The following SNAP23 variants were observed in gnomAD, a reference collection of about 807,000 sequenced individuals.
SNAP23 encodes the protein synaptosomal-associated protein 23.
In SNAP23, 11 loss-of-function variants were observed where a neutral mutation model predicts 29.0. The ratio of observed to expected loss-of-function variants is 0.38; its 90% CI spans 0.24 to 0.63. SNAP23 has a LOEUF of 0.63. Ranked by LOEUF, SNAP23 falls within the 20% of genes least tolerant of loss-of-function variation. The pLI is 0.58. For synonymous variants in SNAP23, 60 were observed against 82.9 expected (o/e 0.72, Z 1.50); for missense variants, 220 against 253.9 (o/e 0.87, Z 0.91).
intron 1 of SNAP23, among the ~76,000 whole-genome samples, chr15:42,502,319 C>G (rs568225088): frequency 6.6e-6 from 1 of 152,270 alleles, no homozygotes; most frequent in East Asian, 1.9e-4. Context: ...CCACTGCGCC[C>G]GGCAGAGTGC....
upstream of SNAP23, chr15:42,491,351 C>T (rs983679219): frequency 1.3e-5 from 2 of 152,398 alleles, no homozygotes; most frequent in African/African-American, 2.4e-5. Flanking sequence ...TTTTCATTCT[C>T]CTTGTTTCTC....
chr15:42,517,353 C>T (rs556293908), intron 5 of SNAP23, among the ~76,000 whole-genome samples: 2 of 152,290 alleles, frequency 1.3e-5, no homozygotes, highest in South Asian at 4.1e-4. Flanking sequence ...GTACCTTTCT[C>T]TTGTGTTCCA....
chr15:42,492,404 G>A (rs2057175614), upstream of SNAP23, among the ~76,000 whole-genome samples: 2 of 152,050 alleles, frequency 1.3e-5, no homozygotes, highest in Non-Finnish European at 1.5e-5. Flanking sequence ...CAGCGGTGGG[G>A]CACAGTGGCT....
intron 5 of SNAP23, among the ~76,000 whole-genome samples, chr15:42,525,683 C>T (rs2057496160): frequency 2.0e-5 from 3 of 151,344 alleles, no homozygotes; most frequent in African/African-American, 4.9e-5. Flanking sequence ...AGGCTGGTCT[C>T]GAACTCCTGA....
In SNAP23 at chr15:42,511,842, T is replaced by G. The variant is rs1595521151; in HGVS notation, c.-5T>G. The G allele has an allele frequency of 8.2e-6, 13 of 1,578,366 alleles. No homozygotes were observed. Among genetic ancestry groups the G allele is most frequent in the Non-Finnish European group, 1.1e-5 (13 of 1,159,350 alleles). On this transcript the variant is annotated 5_prime_UTR_variant, in exon 2 of 8. It adds an upstream start codon to the 5' untranslated region. Transcript: ENST00000249647. ...TTTCTGTGCCTAATAGAGTTTTGAT[T>G]CATCATGGATAATCTGTCATCAGAA...
chr15:42,525,451 C>CTT lies in SNAP23; in HGVS notation c.267-2782_267-2781dup, dbSNP rs1158969519. Among the ~76,000 whole-genome samples the CTT allele has an allele frequency of 2.4e-3, 115 of 47,188 alleles. 34 individuals carry two copies. The highest frequency in any genetic ancestry group is 8.1e-3 in the African/African-American group (90 of 11,150). 31.0% of individuals were successfully genotyped at this position (47,188 alleles called of 152,430 possible). A position where few individuals can be genotyped will look rare whatever the true frequency, so the allele number is the denominator to read the frequency against. On this transcript the variant is annotated intron_variant, in intron 5 of 7. Transcript: ENST00000249647. ...AGAACATCTTCAAAGATCCAGTCTTCTTTTTTTTTTTTTTTTTTTTTTTTT... is the reference window on the plus strand; with the variant it reads ...AGAACATCTTCAAAGATCCAGTCTTCTTTTTTTTTTTTTTTTTTTTTTTTTTT...
In SNAP23 at chr15:42,529,716, T is replaced by G. The variant is rs1331389914; in HGVS notation, c.467T>G (p.Leu156Arg). 1 of 1,614,098 alleles carries G rather than the reference T, an allele frequency of 6.2e-7. No individual in the cohort carries two copies. Among genetic ancestry groups the G allele is most frequent in the Admixed American group, 1.7e-5 (1 of 60,022 alleles). The change falls in exon 7 of 8, where the codon CTG becomes CGG. Residue 156 changes from leucine to arginine, a missense_variant. Physicochemically the swap from Leu to Arg is moderately radical, Grantham distance 102. Transcript: ENST00000249647. ...DAREDEMEEN[L>R]TQVGSILGNL... ...AGAGAAGATGAAATGGAAGAGAACC[T>G]GACTCAAGTGGGCAGTATCCTGGGA...
At position 42,510,084 on chromosome 15, in the gene SNAP23, AT is replaced by A. The variant is rs1338846567; in HGVS notation, c.-14-1748del. Among the ~76,000 whole-genome samples, 5 of 152,194 alleles carry A rather than the reference AT, an allele frequency of 3.3e-5. No individual in the cohort carries two copies. In the East Asian group the frequency reaches 5.8e-4, roughly 18 times the overall value. On this transcript the variant is annotated intron_variant, in intron 1 of 7. Coordinates refer to ENST00000249647, the MANE Select transcript of SNAP23 (RefSeq NM_003825.4). ...ACTCCATCTCAAAAAAATAAAAAAA[AT>A]AACATGATAGTAGTGGTTCAATTAA...
upstream of SNAP23, among the ~76,000 whole-genome samples, chr15:42,494,161 TC>T (rs1417843068): frequency 6.6e-6 from 1 of 152,062 alleles, no homozygotes; most frequent in Non-Finnish European, 1.5e-5. Flanking sequence ...TTCATCATTC[TC>T]CCTCCTTCCT....
At position 42,511,840 on chromosome 15, in the gene SNAP23, A is replaced by G. The variant is rs2057360293; in HGVS notation, c.-7A>G. 1.3e-6 allele frequency: 2 copies of G among 1,576,360 alleles called. No individual in the cohort carries two copies. The highest frequency in any genetic ancestry group is 4.6e-5 in the East Asian group (2 of 43,632). ...CATTTCTGTGCCTAATAGAGTTTTGATTCATCATGGATAATCTGTCATCAG... is the reference window on the plus strand; with the variant it reads ...CATTTCTGTGCCTAATAGAGTTTTGGTTCATCATGGATAATCTGTCATCAG... On this transcript the variant is annotated 5_prime_UTR_variant, in exon 2 of 8. Coordinates refer to ENST00000249647, the MANE Select transcript of SNAP23 (RefSeq NM_003825.4).
chr15:42,499,314 C>T (rs1023893291), intron 1 of SNAP23, among the ~76,000 whole-genome samples: 2 of 152,174 alleles, frequency 1.3e-5, no homozygotes, highest in Non-Finnish European at 2.9e-5. Context: ...TCAGGTGATC[C>T]GCTCGCCTCA....
At position 42,531,594 on chromosome 15, in the gene SNAP23, G is replaced by T; in HGVS notation, c.*116G>T. On this transcript the variant is annotated 3_prime_UTR_variant, in exon 8 of 8. Transcript: ENST00000249647. ...CGCTCTTCTAATTGGGAGATAATAT[G>T]GAAGAAGGGCCAGAGCAGTTACAGC... 1.4e-6 allele frequency: 1 copy of T among 719,044 alleles called. No individual in the cohort carries two copies. The allele number at this position is 719,044 out of a possible 1,614,324, so 44.5% of individuals were successfully genotyped here.
At chr15:42,513,374 A>G in intron 3 of SNAP23, 25 bp from the exon 4 acceptor site, 2 of 1,610,578 alleles carry the variant, frequency 1.2e-6, no homozygotes, top group Non-Finnish European at 1.7e-6. Flanking sequence ...TTGTTGTACT[A>G]TCAGCTTTTC....
chr15:42,518,758 T>C (rs916661382), intron 5 of SNAP23, among the ~76,000 whole-genome samples: 1 of 152,216 alleles, frequency 6.6e-6, no homozygotes, highest in Admixed American at 6.5e-5. Flanking sequence ...AGTTTTGTTT[T>C]ATTTTTGCTG....
At chr15:42,522,258 C>T (rs1054956480) in intron 5 of SNAP23, among the ~76,000 whole-genome samples, 3 of 152,154 alleles carry the variant, frequency 2.0e-5, no homozygotes, top group African/African-American at 7.2e-5. Context: ...TAAATGCTAC[C>T]ATATCTGGTA....
At chr15:42,522,009 T>A (rs1274442347) in intron 5 of SNAP23, 6 of 189,322 alleles carry the variant, frequency 3.2e-5, no homozygotes, top group Admixed American at 3.0e-4. Flanking sequence ...CTAGTTCTGA[T>A]AAAAGGTAAG....
intron 6 of SNAP23, among the ~76,000 whole-genome samples, chr15:42,529,252 A>G (rs922148643): frequency 1.3e-5 from 2 of 152,108 alleles, no homozygotes; most frequent in Non-Finnish European, 2.9e-5. Flanking sequence ...TAGTTTTCCA[A>G]CCTCTCTCTT....
intron 1 of SNAP23, among the ~76,000 whole-genome samples, 178 bp from the exon 2 acceptor site, chr15:42,511,655 C>T (rs1380105551): frequency 1.3e-5 from 2 of 152,134 alleles, no homozygotes; most frequent in African/African-American, 2.4e-5. Context: ...ATTCATTTAG[C>T]CTCTCTCGGT....
chr15:42,507,359 A>G (rs1402166119), intron 1 of SNAP23, among the ~76,000 whole-genome samples: 1 of 152,188 alleles, frequency 6.6e-6, no homozygotes, highest in African/African-American at 2.4e-5. Context: ...TTTAAATTAG[A>G]AAAGAAAAAG....
Sources: allele counts gnomAD v4.1 joint callset (sites outside exome capture counted in the v4.1 genomes callset), GRCh38; gene constraint gnomAD v4.1.1; transcripts MANE v1.5; gene names NCBI Gene and HGNC (gene_info 2026-07-23, HGNC 2026-07-21).